The following TRAPPC9 variants were observed in gnomAD, a reference collection of about 807,000 sequenced individuals.
The protein encoded by TRAPPC9 is trafficking protein particle complex subunit 9, also known as IKK2 binding protein.
TRAPPC9 carries 83 observed loss-of-function variants against 124.0 expected under a neutral mutation model. The observed-to-expected ratio is 0.67, with a 90% confidence interval of 0.56 to 0.80. The LOEUF (loss-of-function observed/expected upper bound fraction) is 0.80. TRAPPC9 is among the 30% of genes least tolerant of loss of function. The pLI is 0.00. For missense variants in TRAPPC9, 1,302 were observed against 1,508.3 expected (o/e 0.86, Z 2.27); for synonymous variants, 638 against 617.5 (o/e 1.03, Z -0.49).
At chr8:140,107,961 G>C (rs1178089508) in intron 17 of TRAPPC9, among the ~76,000 whole-genome samples, 1 of 151,972 alleles carries the variant, frequency 6.6e-6, no homozygotes, top group Non-Finnish European at 1.5e-5. Flanking sequence ...TGTGTGGTGG[G>C]GGTGGGGTGT....
intron 19 of TRAPPC9, among the ~76,000 whole-genome samples, chr8:139,935,037 C>G (rs1181571510): frequency 1.3e-5 from 2 of 152,164 alleles, no homozygotes; most frequent in African/African-American, 4.8e-5. Context: ...CACAGGTATT[C>G]CCTAGGAGAC....
At chr8:140,254,794 A>G (rs1265448090) in intron 15 of TRAPPC9, among the ~76,000 whole-genome samples, 1 of 152,236 alleles carries the variant, frequency 6.6e-6, no homozygotes, top group South Asian at 2.1e-4. Context: ...ATGGTCACCA[A>G]CTATGGAATC....
chr8:140,069,269 T>C (rs1463634251), intron 17 of TRAPPC9, among the ~76,000 whole-genome samples: 1 of 152,212 alleles, frequency 6.6e-6, no homozygotes, highest in East Asian at 1.9e-4. Context: ...GCCCACGATC[T>C]GAAGGTTGGC....
At chr8:139,855,422 A>C (rs1827738331) in intron 21 of TRAPPC9, among the ~76,000 whole-genome samples, 1 of 152,150 alleles carries the variant, frequency 6.6e-6, no homozygotes, top group African/African-American at 2.4e-5. Context: ...TCTGAACTTC[A>C]GATTCAATAC....
At chr8:139,949,495 G>A (rs966436786) in intron 19 of TRAPPC9, among the ~76,000 whole-genome samples, 1 of 152,198 alleles carries the variant, frequency 6.6e-6, no homozygotes, top group South Asian at 2.1e-4. Context: ...AGCAACGTAA[G>A]GGTCCATCAA....
intron 17 of TRAPPC9, among the ~76,000 whole-genome samples, chr8:140,146,622 T>C (rs555135419): frequency 2.6e-4 from 39 of 152,354 alleles, no homozygotes; most frequent in African/African-American, 9.1e-4. Context: ...TTCTTAACTA[T>C]GACATTTTGT....
intron 17 of TRAPPC9, among the ~76,000 whole-genome samples, chr8:140,041,446 T>G (rs1334997496): frequency 6.6e-6 from 1 of 152,208 alleles, no homozygotes; most frequent in African/African-American, 2.4e-5. Flanking sequence ...AAAGTGAGAA[T>G]TAAACAGAGG....
chr8:140,239,347 CG>C (rs927784852), intron 16 of TRAPPC9, among the ~76,000 whole-genome samples: 3 of 152,110 alleles, frequency 2.0e-5, no homozygotes, highest in African/African-American at 7.2e-5. Flanking sequence ...ATGGGGCCCT[CG>C]GGAGTTCCAG....
intron 17 of TRAPPC9, among the ~76,000 whole-genome samples, chr8:140,204,120 C>T (rs1002198980): frequency 6.6e-6 from 1 of 152,104 alleles, no homozygotes; most frequent in African/African-American, 2.4e-5. Flanking sequence ...TGGTGCCCTC[C>T]CCACAGTAAT....
At chr8:139,813,819 A>G (rs1001137253) in intron 21 of TRAPPC9, among the ~76,000 whole-genome samples, 4 of 152,342 alleles carry the variant, frequency 2.6e-5, no homozygotes, top group Non-Finnish European at 5.9e-5. Context: ...GTAGCAGACA[A>G]AAACCACATG....
chr8:140,269,162 C>T (rs918923474), intron 15 of TRAPPC9, among the ~76,000 whole-genome samples: 66 of 152,076 alleles, frequency 4.3e-4, no homozygotes, highest in African/African-American at 1.6e-3. Flanking sequence ...AAAAAGTGAA[C>T]TCTAGTTAAT....
At chr8:140,177,853 C>G (rs2062104635) in intron 17 of TRAPPC9, among the ~76,000 whole-genome samples, 1 of 152,030 alleles carries the variant, frequency 6.6e-6, no homozygotes, top group African/African-American at 2.4e-5. Context: ...TTGTAATTTT[C>G]AATGTACAAT....
chr8:139,918,554 A>C (rs1453157653), intron 19 of TRAPPC9, among the ~76,000 whole-genome samples: 1 of 152,086 alleles, frequency 6.6e-6, no homozygotes, highest in Non-Finnish European at 1.5e-5. Flanking sequence ...CCCTCCCACC[A>C]CGGAGCCGGC....
At chr8:139,915,645 C>T (rs528335801) in intron 19 of TRAPPC9, among the ~76,000 whole-genome samples, 1 of 152,346 alleles carries the variant, frequency 6.6e-6, no homozygotes, top group South Asian at 2.1e-4. Flanking sequence ...TCTGGGCCCA[C>T]AGTCCAGGAT....
chr8:140,010,439 C>T (rs918174286), intron 18 of TRAPPC9, among the ~76,000 whole-genome samples: 2 of 152,006 alleles, frequency 1.3e-5, no homozygotes, highest in African/African-American at 2.4e-5. Context: ...TAGTAAAATG[C>T]AGATAGCAAA....
intron 6 of TRAPPC9, among the ~76,000 whole-genome samples, chr8:140,404,731 TGTGTGCACGC>T (rs961979339): frequency 6.6e-6 from 1 of 152,022 alleles, no homozygotes; most frequent in Non-Finnish European, 1.5e-5. Context: ...TGTACATGCA[TGTGTGCACGC>T]GTGAGCATGT....
chr8:140,452,862 C>A (rs2071517702), intron 1 of TRAPPC9, among the ~76,000 whole-genome samples: 1 of 152,148 alleles, frequency 6.6e-6, no homozygotes, highest in Non-Finnish European at 1.5e-5. Flanking sequence ...ATCTGGGTGA[C>A]CTGGAGCAAG....
chr8:140,349,126 G>A (rs569788740), intron 9 of TRAPPC9, among the ~76,000 whole-genome samples: 1 of 134,764 alleles, frequency 7.4e-6, no homozygotes, highest in East Asian at 2.4e-4. Flanking sequence ...GACGGCGCAC[G>A]AGGGAAGGGA....
chr8:140,243,775 TTCACTTCCCAG>T (rs1340722810), intron 16 of TRAPPC9, among the ~76,000 whole-genome samples: 2 of 152,248 alleles, frequency 1.3e-5, no homozygotes, highest in Non-Finnish European at 2.9e-5. Flanking sequence ...AATTGTGACA[TTCACTTCCCAG>T]CAAACCAGAA....
Sources: gnomAD v4.1 joint callset for allele counts (sites outside exome capture counted in the v4.1 genomes callset) on GRCh38, gnomAD v4.1.1 for gene constraint, MANE v1.5 for transcripts, NCBI Gene and HGNC (gene_info 2026-07-23, HGNC 2026-07-21) for gene names.